Variants in CRELD1 observed in about 807,000 individuals in gnomAD.
CRELD1 encodes CRELD disulfide isomerase 1, also known as protein disulfide isomerase CRELD1.
Under a neutral mutation model 58.2 loss-of-function variants are expected in CRELD1, and 42 were observed. That is an observed-to-expected ratio of 0.72 (90% CI 0.56 to 0.93). The LOEUF is 0.93. Among genes scored for constraint, CRELD1 ranks in the 40% least tolerant of loss-of-function variants. The probability of loss-of-function intolerance (pLI) is 0.00; values close to 1 mark genes in which losing one functional copy is unlikely to be tolerated. For synonymous variants in CRELD1, 222 were observed against 202.0 expected (o/e 1.10, Z -0.84); for missense variants, 500 against 540.6 (o/e 0.92, Z 0.74).
At chr3:9,934,945 A>G in intron 3 of CRELD1, 28 bp downstream of exon 3, 1 of 1,565,960 alleles carries the variant, frequency 6.4e-7, no homozygotes, top group Non-Finnish European at 8.7e-7. Context: ...GAAGGGGTGT[A>G]TATTCCCCTC....
chr3:9,940,344 C>T (rs969563661), intron 5 of CRELD1, among the ~76,000 whole-genome samples: 4 of 152,142 alleles, frequency 2.6e-5, no homozygotes, highest in East Asian at 3.9e-4. Flanking sequence ...TGTAGCGAGC[C>T]GAGATCACGC....
rs551940468 is a variant in CRELD1 at position 9,937,742 on chromosome 3, G to C, written c.368+70G>C. The C allele has an allele frequency of 8.1e-6, 9 of 1,114,268 alleles. No homozygotes were observed. In the African/African-American group the frequency reaches 9.1e-5, roughly 11 times the overall value. 69.0% of individuals were successfully genotyped at this position (1,114,268 alleles called of 1,614,324 possible). ...CCTGGTGATAAGGCCTGATTTGGCC[G>C]AGAAGCAGGGGGGTGCATGCTGGGG... On this transcript the variant is annotated intron_variant, in intron 4 of 10. Transcript: ENST00000452070.
intron 10 of CRELD1, chr3:9,944,156 AC>A: frequency 2.5e-6 from 2 of 787,790 alleles, no homozygotes; most frequent in Non-Finnish European, 4.7e-6. Flanking sequence ...CAACCCCTTT[AC>A]CTCTCTGAGC....
Position 9,937,663 on chromosome 3 carries a change from G to A in CRELD1, c.359G>A (p.Trp120Ter). The A allele has an allele frequency of 6.2e-7, 1 of 1,605,052 alleles. No individual in the cohort carries two copies. Among genetic ancestry groups the A allele is most frequent in the Non-Finnish European group, 8.5e-7 (1 of 1,176,238 alleles). The change falls in exon 4 of 11, where the codon TGG becomes TAG. Residue 120 changes from tryptophan (W) to a stop codon, truncating the protein, a stop_gained. Transcript: ENST00000452070. LOFTEE classifies it high-confidence loss of function. ...ELSEELVESW[W>*]FHKQQEAPDL... The stretch of plus-strand genomic sequence containing the variant: ...AGTGAGGAGCTGGTGGAGAGCTGGT[G>A]GTTTCACAAGTGAGTGGCAAAGGGC...
rs909548772 is a variant in CRELD1, at chr3:9,941,081, C to T, written c.638-30C>T. ...AGGGGCAGATGGGGCACCTGCCTGC[C>T]CATCCTCATGCTGCCCCCATTCCAC... On this transcript the variant is annotated intron_variant, in intron 6 of 10. Transcript: ENST00000452070. The T allele has an allele frequency of 1.1e-5, 18 of 1,613,812 alleles. No individual in the cohort carries two copies. The African/African-American group carries it at 2.3e-4, about 20-fold the overall frequency.
At position 9,943,412 on chromosome 3, in the gene CRELD1, G is replaced by T. The variant is rs76764016; in HGVS notation, c.945G>T (p.Pro315=). ...ATGAGTGTGAGACAGAGGTGTGTCC[G>T]GGAGAGAACAAGCAGTGTGAAAACA... The part of the protein sequence containing the change: ...DVDECETEVC[P]GENKQCENTE... Residue 315 remains proline (P), a synonymous_variant, in exon 10 of 11, where the codon CCG becomes CCT. Coordinates refer to ENST00000452070, the MANE Select transcript of CRELD1 (RefSeq NM_001077415.3). The T allele has an allele frequency of 6.2e-7, 1 of 1,614,004 alleles. No individual in the cohort carries two copies. Among genetic ancestry groups the T allele is most frequent in the Non-Finnish European group, 8.5e-7 (1 of 1,180,004 alleles).
At chr3:9,943,001 A>G in intron 8 of CRELD1, 76 bp from the exon 9 acceptor site, 1 of 1,546,062 alleles carries the variant, frequency 6.5e-7, no homozygotes, top group Non-Finnish European at 8.9e-7. Flanking sequence ...GAGCACCCCC[A>G]GGCCTCCGCT....
Position 9,943,058 on chromosome 3 carries a change from CT to C in CRELD1, c.818-16del. 6.2e-7 allele frequency: 1 copy of C among 1,611,952 alleles called. No homozygotes were observed. Among genetic ancestry groups the C allele is most frequent in the Non-Finnish European group, 8.5e-7 (1 of 1,178,240 alleles). ...GCCTAGGTGCACATCTCACCCTCATCTTTCTCTCCTCTCTCCAGACTGTGCC... is the reference window on the plus strand; with the variant it reads ...GCCTAGGTGCACATCTCACCCTCATCTTCTCTCCTCTCTCCAGACTGTGCC... On this transcript the variant is annotated intron_variant, in intron 8 of 10. Transcript: ENST00000452070.
rs2085070646 is a variant in CRELD1, at chr3:9,933,877, GC to G, written c.-62del. ...GGTGAGGAGACGGCCCACGGCGCCCGCGGGCTGGGGCGGTCGCTTCTTCCTT... is the reference window on the plus strand; with the variant it reads ...GGTGAGGAGACGGCCCACGGCGCCCGGGGCTGGGGCGGTCGCTTCTTCCTT... On this transcript the variant is annotated 5_prime_UTR_variant, in exon 1 of 11. Coordinates refer to ENST00000452070, the MANE Select transcript of CRELD1 (RefSeq NM_001077415.3). 1 of 473,760 alleles carries G rather than the reference GC, an allele frequency of 2.1e-6. No homozygotes were observed. The highest frequency in any genetic ancestry group is 2.0e-5 in the African/African-American group (1 of 48,900). The allele number at this position is 473,760 out of a possible 1,614,324, so 29.3% of individuals were successfully genotyped here.
intron 4 of CRELD1, 134 bp downstream of exon 4, chr3:9,937,806 C>T: frequency 1.3e-6 from 1 of 788,766 alleles, no homozygotes; most frequent in Non-Finnish European, 2.2e-6. Flanking sequence ...CCCAGGTCTG[C>T]TAAGAACTTG....
chr3:9,938,594 T>G (rs369488472), intron 5 of CRELD1: 3 of 167,368 alleles, frequency 1.8e-5, no homozygotes, highest in African/African-American at 4.8e-5. Context: ...GCGCGGTGGC[T>G]CACACCTGTA....
chr3:9,934,854 G>A lies in CRELD1; in HGVS notation c.194G>A (p.Arg65Gln), dbSNP rs754099627. The A allele has an allele frequency of 3.1e-6, 5 of 1,612,760 alleles. No individual in the cohort carries two copies. Among genetic ancestry groups the A allele is most frequent in the African/African-American group, 1.3e-5 (1 of 74,874 alleles). The change falls in exon 3 of 11, where the codon CGG (arginine) becomes CAG (glutamine). Residue 65 changes from arginine (R) to glutamine (Q), a missense_variant. Transcript: ENST00000452070. ...SFNKGLERTI[R>Q]DNFGGGNTAW... is the part of the protein sequence containing the mutation. ...TTCCAGGGCCTGGAGAGAACCATCC[G>A]GGACAACTTTGGAGGTGGAAACACT...
chr3:9,940,855 C>G lies in CRELD1; in HGVS notation c.466C>G (p.Pro156Ala). The change falls in exon 6 of 11, where the codon CCT becomes GCT. Residue 156 changes from proline (P) to alanine (A), a missense_variant. Coordinates refer to ENST00000452070, the MANE Select transcript of CRELD1 (RefSeq NM_001077415.3). Reference sequence around the variant, plus strand: ...GGTTTGGTGTCTTCCCACAGCCTGTCCTGGGGGAACAGAGAGGCCCTGCGG... The same window carrying G: ...GGTTTGGTGTCTTCCCACAGCCTGTGCTGGGGGAACAGAGAGGCCCTGCGG... ...GTFGPSCLPC[P>A]GGTERPCGGY... 2.5e-6 allele frequency: 4 copies of G among 1,611,462 alleles called. No individual in the cohort carries two copies. The highest frequency in any genetic ancestry group is 3.4e-6 in the Non-Finnish European group (4 of 1,178,804).
At position 9,933,847 on chromosome 3, in the gene CRELD1, G is replaced by A. The variant is rs970379408; in HGVS notation, c.-93G>A. ...TGCGTTTTACGCAGGCTGTGGCAGC[G>A]ACGCGGTGAGGAGACGGCCCACGGC... On this transcript the variant is annotated 5_prime_UTR_variant, in exon 1 of 11. Coordinates refer to ENST00000452070, the MANE Select transcript of CRELD1 (RefSeq NM_001077415.3). 3 of 521,470 alleles carry A rather than the reference G, an allele frequency of 5.8e-6. No homozygotes were observed. The highest frequency in any genetic ancestry group is 4.0e-5 in the African/African-American group (2 of 49,828). 32.3% of individuals were successfully genotyped at this position (521,470 alleles called of 1,614,324 possible).
At position 9,937,554 on chromosome 3, in the gene CRELD1, C is replaced by A. The variant is rs202141671; in HGVS notation, c.258-8C>A. On this transcript the variant is annotated splice_region_variant and splice_polypyrimidine_tract_variant and intron_variant, in intron 3 of 10. Coordinates refer to ENST00000452070, the MANE Select transcript of CRELD1 (RefSeq NM_001077415.3). ...ATGTTTCCCACCAGCCCTGCCCTGT[C>A]CGATCAGTGAGACCCGCCTGGTAGA... The A allele has an allele frequency of 4.4e-6, 7 of 1,601,780 alleles. No individual in the cohort carries two copies. In the Admixed American group the frequency reaches 8.5e-5, roughly 19 times the overall value.
Position 9,935,097 on chromosome 3 carries a change from T to C in CRELD1, c.257+180T>C, listed in dbSNP as rs1450017067. 3 of 596,590 alleles carry C rather than the reference T, an allele frequency of 5.0e-6. No homozygotes were observed. In the African/African-American group the frequency reaches 5.6e-5, roughly 11 times the overall value. The allele number at this position is 596,590 out of a possible 1,614,324, so 37.0% of individuals were successfully genotyped here. A position where few individuals can be genotyped will look rare whatever the true frequency, so the allele number is the denominator to read the frequency against. On this transcript the variant is annotated intron_variant, in intron 3 of 10. Coordinates refer to ENST00000452070, the MANE Select transcript of CRELD1 (RefSeq NM_001077415.3). ...CCCCTTCCTGGAGCTCACATTCTAG[T>C]AGAGAAGACAAGCAGTGAATGAGTA...
chr3:9,941,764 T>C (rs948331978), intron 7 of CRELD1, among the ~76,000 whole-genome samples: 1 of 116,986 alleles, frequency 8.5e-6, no homozygotes, highest in African/African-American at 3.4e-5. Flanking sequence ...CACTCCAGTC[T>C]GGGCAACAGA....
At chr3:9,943,561 G>A in intron 10 of CRELD1, 46 bp downstream of exon 10, 4 of 1,613,160 alleles carry the variant, frequency 2.5e-6, no homozygotes, top group Non-Finnish European at 3.4e-6. Context: ...CAAAGAGAAG[G>A]CAGGCAAGCC....
chr3:9,943,202 C>G (rs753428326), intron 9 of CRELD1, 30 bp downstream of exon 9: 3 of 1,598,010 alleles, frequency 1.9e-6, no homozygotes, highest in Non-Finnish European at 1.7e-6. Context: ...GACACAGGCA[C>G]CTGGGAGTGC....
Sources: gnomAD v4.1 joint callset for allele counts (sites outside exome capture counted in the v4.1 genomes callset) on GRCh38, gnomAD v4.1.1 for gene constraint, MANE v1.5 for transcripts, NCBI Gene and HGNC (gene_info 2026-07-23, HGNC 2026-07-21) for gene names.